Variants in C12orf42 observed in about 807,000 individuals in gnomAD.
C12orf42 encodes uncharacterized protein C12orf42.
A neutral mutation model predicts 21.6 loss-of-function variants in C12orf42; 25 were observed. The observed-to-expected ratio is 1.16, with a 90% CI of 0.84 to 1.62. The LOEUF (loss-of-function observed/expected upper bound fraction) is 1.62, where lower values mean the gene tolerates loss of function less well. Among genes scored for constraint, C12orf42 ranks in the 40% most tolerant of loss-of-function variants. C12orf42 has a pLI of 0.00. For synonymous variants in C12orf42, 174 were observed against 175.0 expected (o/e 0.99, Z 0.05); for missense variants, 483 against 459.3 (o/e 1.05, Z -0.47).
At chr12:103,435,129 C>G (rs1485310973) in intron 2 of C12orf42, among the ~76,000 whole-genome samples, 1 of 152,138 alleles carries the variant, frequency 6.6e-6, no homozygotes, top group Admixed American at 6.5e-5. Flanking sequence ...AGGCACCCCC[C>G]AGCAGAGGCA....
chr12:103,272,930 G>C (rs2035554830), intron 5 of C12orf42, among the ~76,000 whole-genome samples: 1 of 152,166 alleles, frequency 6.6e-6, no homozygotes, highest in South Asian at 2.1e-4. Flanking sequence ...GTATTTTCCA[G>C]ACTCTCCGCT....
At chr12:103,397,342 C>G (rs1489214847) in intron 3 of C12orf42, among the ~76,000 whole-genome samples, 1 of 152,158 alleles carries the variant, frequency 6.6e-6, no homozygotes, top group African/African-American at 2.4e-5. Context: ...TCCCAAGCCC[C>G]AGGCCATTAG....
chr12:103,492,240 G>A (rs925654084), intron 1 of C12orf42, among the ~76,000 whole-genome samples: 1 of 152,192 alleles, frequency 6.6e-6, no homozygotes, highest in African/African-American at 2.4e-5. Flanking sequence ...TTACAGGGGT[G>A]AGCCACCGCA....
chr12:103,170,336 T>C, the C12orf42 span, among the ~76,000 whole-genome samples: 2 of 152,186 alleles, frequency 1.3e-5, no homozygotes. Context: ...GATAAAAACC[T>C]GACATTTTAG....
At chr12:103,091,877 C>T in the C12orf42 span, among the ~76,000 whole-genome samples, 4 of 152,144 alleles carry the variant, frequency 2.6e-5, no homozygotes, top group African/African-American at 9.7e-5. Context: ...GGAAAAGTCT[C>T]TTTTAAACTA....
At chr12:103,520,085 G>A in the C12orf42 span, among the ~76,000 whole-genome samples, 1 of 152,184 alleles carries the variant, frequency 6.6e-6, no homozygotes, top group African/African-American at 2.4e-5. Context: ...AACGTGGAGG[G>A]TGAGCAGTGA....
the C12orf42 span, among the ~76,000 whole-genome samples, chr12:103,099,240 A>AATGC: frequency 0.011 from 1,619 of 152,364 alleles, 12 homozygotes; most frequent in South Asian, 0.019. Context: ...CTAGATGGAA[A>AATGC]ATGCAAACAC....
chr12:103,346,095 G>A (rs1397800913), intron 4 of C12orf42, among the ~76,000 whole-genome samples: 2 of 152,080 alleles, frequency 1.3e-5, no homozygotes, highest in East Asian at 1.9e-4. Flanking sequence ...ATTCTTCAAT[G>A]TTAAATAACA....
chr12:103,216,961 G>A, the C12orf42 span, among the ~76,000 whole-genome samples: 22 of 152,168 alleles, frequency 1.4e-4, no homozygotes, highest in African/African-American at 5.3e-4. Context: ...CCCTGCCTCA[G>A]CTTCCCAAGT....
chr12:103,461,730 T>G (rs1196137975), intron 2 of C12orf42, among the ~76,000 whole-genome samples: 2 of 152,290 alleles, frequency 1.3e-5, no homozygotes, highest in Admixed American at 1.3e-4. Flanking sequence ...ACACTGAGAT[T>G]TGGATTAAAT....
intron 2 of C12orf42, among the ~76,000 whole-genome samples, chr12:103,454,969 A>C (rs1341694254): frequency 1.3e-5 from 2 of 152,188 alleles, no homozygotes; most frequent in Admixed American, 1.3e-4. Flanking sequence ...CTAAATGAGG[A>C]TACAATGAGT....
chr12:103,205,576 G>A, the C12orf42 span, among the ~76,000 whole-genome samples: 1 of 152,064 alleles, frequency 6.6e-6, no homozygotes, highest in Non-Finnish European at 1.5e-5. Context: ...TTGGGTGGGG[G>A]CACAGCAAAA....
At chr12:103,191,817 A>G in the C12orf42 span, among the ~76,000 whole-genome samples, 33 of 151,946 alleles carry the variant, frequency 2.2e-4, no homozygotes, top group Non-Finnish European at 4.7e-4. Context: ...ATAAATGGAT[A>G]TACAATATAA....
At chr12:103,236,497 T>C (rs556368458), downstream of C12orf42, among the ~76,000 whole-genome samples, 5 of 152,340 alleles carry the variant, frequency 3.3e-5, no homozygotes, top group South Asian at 1.0e-3. Flanking sequence ...TGGATGGTAT[T>C]TGTGATTATC....
chr12:103,058,951 G>A, the C12orf42 span, among the ~76,000 whole-genome samples: 1 of 152,204 alleles, frequency 6.6e-6, no homozygotes, highest in Non-Finnish European at 1.5e-5. Flanking sequence ...TCAAAAGCTA[G>A]CAGAAGACAA....
At chr12:103,538,162 GA>G in the C12orf42 span, among the ~76,000 whole-genome samples, 1 of 151,190 alleles carries the variant, frequency 6.6e-6, no homozygotes, top group South Asian at 2.1e-4. Context: ...ATGAGTTGAA[GA>G]AAAATTGGGA....
At chr12:103,120,763 T>C in the C12orf42 span, among the ~76,000 whole-genome samples, 2 of 148,998 alleles carry the variant, frequency 1.3e-5, no homozygotes, top group African/African-American at 2.4e-5. Flanking sequence ...TATTCTATTA[T>C]AGTATATTAT....
chr12:103,489,404 G>A (rs1404794488), intron 1 of C12orf42, among the ~76,000 whole-genome samples: 1 of 152,200 alleles, frequency 6.6e-6, no homozygotes, highest in Non-Finnish European at 1.5e-5. Flanking sequence ...GCTACACAGG[G>A]GTCAGGGACT....
intron 10 of C12orf42, among the ~76,000 whole-genome samples, chr12:103,256,679 C>G (rs896544463): frequency 6.6e-6 from 1 of 151,998 alleles, no homozygotes; most frequent in Non-Finnish European, 1.5e-5. Context: ...TGTGAAATCT[C>G]AAAACTGAAA....
Sources: allele counts gnomAD v4.1 joint callset (sites outside exome capture counted in the v4.1 genomes callset), GRCh38; gene constraint gnomAD v4.1.1; transcripts MANE v1.5; gene names NCBI Gene and HGNC (gene_info 2026-07-23, HGNC 2026-07-21).